Variants in ATP7A observed in about 807,000 individuals in gnomAD.
ATP7A encodes copper-transporting ATPase 1.
In ATP7A, 7 loss-of-function variants were observed where a neutral mutation model predicts 83.5. That is an observed-to-expected ratio of 0.08 (90% CI 0.05 to 0.16). The LOEUF (loss-of-function observed/expected upper bound fraction) is 0.16. Among genes scored for constraint, ATP7A ranks in the 10% least tolerant of loss-of-function variants. The pLI is 1.00. For missense variants in ATP7A, 940 were observed against 1,120.8 expected, an observed-to-expected ratio of 0.84 and a Z score of 2.30; for synonymous variants, 354 against 395.2, an observed-to-expected ratio of 0.90 and a Z score of 1.24.
chrX:77,917,026 C>A (rs1742861420), intron 1 of ATP7A, among the ~76,000 whole-genome samples: 1 of 111,769 alleles, frequency 8.9e-6, no homozygotes, highest in African/African-American at 3.2e-5. Context: ...GAGTAGCCAC[C>A]ATGTTCACTG....
rs1161083135 is a variant in ATP7A, at chrX:78,046,654, TAGA to T, written c.*87_*89del. The stretch of plus-strand genomic sequence containing the variant: ...GTTACCTTCACTTTTCAAAATATTG[TAGA>T]AGGATTTTTCTCATGCTCTTATATT... On this transcript the variant is annotated 3_prime_UTR_variant, in exon 23 of 23. Coordinates refer to ENST00000341514, the MANE Select transcript of ATP7A (RefSeq NM_000052.7). 4 of 1,120,168 alleles carry T rather than the reference TAGA, an allele frequency of 3.6e-6. No individual in the cohort carries two copies. The highest frequency in any genetic ancestry group is 4.9e-6 in the Non-Finnish European group (4 of 818,988). The allele number at this position is 1,120,168 out of a possible 1,213,427, so 92.3% of individuals were successfully genotyped here. A position where few individuals can be genotyped will look rare whatever the true frequency, so the allele number is the denominator to read the frequency against.
intron 8 of ATP7A, 91 bp from the exon 9 acceptor site, chrX:78,011,358 T>C: frequency 9.5e-7 from 1 of 1,047,975 alleles, no homozygotes. Flanking sequence ...GATGAAATGG[T>C]CACAATGTAT....
intron 17 of ATP7A, among the ~76,000 whole-genome samples, chrX:78,035,776 T>C (rs1289893368): frequency 8.9e-6 from 1 of 112,155 alleles, no homozygotes; most frequent in Non-Finnish European, 1.9e-5. Context: ...TGTTCACAAA[T>C]GGCATCTATC....
intron 1 of ATP7A, among the ~76,000 whole-genome samples, chrX:77,930,960 C>G (rs1286771987): frequency 3.4e-5 from 3 of 88,719 alleles, no homozygotes; most frequent in African/African-American, 1.3e-4. Flanking sequence ...CTCTCTCATT[C>G]TTAACTCTGT....
chrX:78,013,208 A>G, intron 10 of ATP7A, 96 bp downstream of exon 10: 1 of 778,675 alleles, frequency 1.3e-6, no homozygotes, highest in African/African-American at 2.0e-5. Context: ...GCTTTTATGT[A>G]GTTAACCATT....
Position 77,932,287 on chromosome X carries a change from T to A in ATP7A, c.-22+21452T>A, listed in dbSNP as rs1236278448. 4.0e-5 allele frequency among the ~76,000 whole-genome samples: 4 copies of A among 100,284 alleles called. No individual in the cohort carries two copies. The Admixed American group carries it at 4.3e-4, about 11-fold the overall frequency. The allele number at this position is 100,284 out of a possible 115,157, so 87.1% of individuals were successfully genotyped here. ...AGACGGGGCGGCGGGGCAGAGGTGC[T>A]CCCCACATCTCAGACGATGGGCGGC... On this transcript the variant is annotated intron_variant, in intron 1 of 22. Coordinates refer to ENST00000341514, the MANE Select transcript of ATP7A (RefSeq NM_000052.7).
chrX:77,990,670 A>G (rs782611617), intron 4 of ATP7A, among the ~76,000 whole-genome samples: 1 of 112,187 alleles, frequency 8.9e-6, no homozygotes, highest in Non-Finnish European at 1.9e-5. Context: ...CTTACCTTTG[A>G]ACTGAAACAA....
rs1309940302 is a variant in ATP7A, at chrX:78,015,671, T to G, written c.2499-83T>G. 2.6e-6 allele frequency: 3 copies of G among 1,147,091 alleles called. No homozygotes were observed. In the African/African-American group the frequency reaches 5.4e-5, roughly 21 times the overall value. The allele number at this position is 1,147,091 out of a possible 1,213,427, so 94.5% of individuals were successfully genotyped here. On this transcript the variant is annotated intron_variant, in intron 11 of 22. Transcript: ENST00000341514. ...GGCAGTAATTATGGAGCCACAAGCT[T>G]GACGTGAACTAAAGAGCTTACATGG...
At chrX:77,929,065 G>A (rs1469876155) in intron 1 of ATP7A, among the ~76,000 whole-genome samples, 3 of 111,525 alleles carry the variant, frequency 2.7e-5, no homozygotes, top group Non-Finnish European at 3.8e-5. Flanking sequence ...AGAGGTAGAA[G>A]AGAAAAACAT....
chrX:78,011,500 G>A lies in ATP7A; in HGVS notation c.1998G>A (p.Gly666=). The A allele has an allele frequency of 8.3e-7, 1 of 1,210,665 alleles. No homozygotes were observed. ...TGTTTTTCTGTATTCCTGTAATGGGGCTGATGATATATATGATGGTTATGG... is the reference window on the plus strand; with the variant it reads ...TGTTTTTCTGTATTCCTGTAATGGGACTGATGATATATATGATGGTTATGG... ...VSLFFCIPVM[G]LMIYMMVMDH... The change falls in exon 9 of 23, where the codon GGG becomes GGA. Residue 666 remains glycine (G), a synonymous_variant. Coordinates refer to ENST00000341514, the MANE Select transcript of ATP7A (RefSeq NM_000052.7).
intron 17 of ATP7A, among the ~76,000 whole-genome samples, chrX:78,034,653 G>C (rs1449400891): frequency 9.0e-6 from 1 of 110,764 alleles, no homozygotes; most frequent in East Asian, 2.8e-4. Context: ...ACCTCATTAA[G>C]ATATTTGACA....
chrX:77,974,422 G>C (rs1194697372), intron 2 of ATP7A, among the ~76,000 whole-genome samples: 1 of 111,279 alleles, frequency 9.0e-6, no homozygotes, highest in African/African-American at 3.3e-5. Flanking sequence ...GGGATTGCAG[G>C]TGTGAGCCAC....
At chrX:77,931,891 G>A (rs1242447917) in intron 1 of ATP7A, among the ~76,000 whole-genome samples, 1 of 99,397 alleles carries the variant, frequency 1.0e-5, no homozygotes, top group Non-Finnish European at 2.1e-5. Flanking sequence ...CCCAGTAGGG[G>A]CGGCCGGGCA....
At chrX:77,984,957 T>C (rs1176626212) in intron 2 of ATP7A, among the ~76,000 whole-genome samples, 1 of 112,336 alleles carries the variant, frequency 8.9e-6, no homozygotes, top group African/African-American at 3.2e-5. Flanking sequence ...CATAGTTTTC[T>C]TATGCCTTTT....
At chrX:77,931,991 G>A (rs1284281318) in intron 1 of ATP7A, among the ~76,000 whole-genome samples, 3 of 105,293 alleles carry the variant, frequency 2.8e-5, no homozygotes, top group African/African-American at 7.0e-5. Flanking sequence ...CTGGCTGAGC[G>A]GGGGGCTGAC....
rs1557235693 is a variant in ATP7A, at chrX:78,020,925, GT to G, written c.2782-18del. On this transcript the variant is annotated intron_variant, in intron 13 of 22. Transcript: ENST00000341514. Reference sequence around the variant, plus strand: ...TGATATGCTTCTTCTTCTTATTATTGTTGTTATTTTTAATTCTAGGCTCCTA... The same window carrying G: ...TGATATGCTTCTTCTTCTTATTATTGTGTTATTTTTAATTCTAGGCTCCTA... 1 of 1,195,787 alleles carries G rather than the reference GT, an allele frequency of 8.4e-7. No homozygotes were observed.
chrX:78,019,826 G>A lies in ATP7A; in HGVS notation c.2627-418G>A, dbSNP rs782591389. 3.5e-4 allele frequency among the ~76,000 whole-genome samples: 39 copies of A among 110,388 alleles called. No homozygotes were observed. The East Asian group carries it at 1.0e-2, about 28-fold the overall frequency. On this transcript the variant is annotated intron_variant, in intron 12 of 22. Transcript: ENST00000341514. ...TTGGATGGGGCAATTCTTAGTTCTCGGGGACTCTCTTACATACTGTAGTAC... is the reference window on the plus strand; with the variant it reads ...TTGGATGGGGCAATTCTTAGTTCTCAGGGACTCTCTTACATACTGTAGTAC...
At chrX:77,940,759 A>G (rs1229391125) in intron 1 of ATP7A, among the ~76,000 whole-genome samples, 4 of 112,425 alleles carry the variant, frequency 3.6e-5, no homozygotes, top group Non-Finnish European at 7.5e-5. Flanking sequence ...GCACAATGGA[A>G]GTAAACAGGC....
intron 20 of ATP7A, among the ~76,000 whole-genome samples, chrX:78,043,033 A>G (rs1443554062): frequency 8.9e-6 from 1 of 112,243 alleles, no homozygotes; most frequent in Non-Finnish European, 1.9e-5. Flanking sequence ...TTAAGAATGG[A>G]TTCGGAATAA....
Sources: allele counts gnomAD v4.1 joint callset (sites outside exome capture counted in the v4.1 genomes callset), GRCh38; gene constraint gnomAD v4.1.1; transcripts MANE v1.5; gene names NCBI Gene and HGNC (gene_info 2026-07-23, HGNC 2026-07-21).